Variants in VPS13C observed in about 807,000 individuals in gnomAD.
VPS13C encodes vacuolar protein sorting 13 homolog C, also known as intermembrane lipid transfer protein VPS13C.
In VPS13C, 358 loss-of-function variants were observed where a neutral mutation model predicts 456.8. The ratio of observed to expected loss-of-function variants is 0.78; its 90% CI spans 0.72 to 0.86. The LOEUF is 0.86. Among genes scored for constraint, VPS13C ranks in the 40% least tolerant of loss-of-function variants. VPS13C has a pLI of 0.00. For synonymous variants in VPS13C, 1,578 were observed against 1,486.7 expected, an observed-to-expected ratio of 1.06 and a Z score of -1.41; for missense variants, 4,818 against 4,385.4, an observed-to-expected ratio of 1.10 and a Z score of -2.79.
chr15:61,922,753 T>C lies in VPS13C; in HGVS notation c.6619A>G (p.Ile2207Val), dbSNP rs1182660963. 12 of 1,578,508 alleles carry C rather than the reference T, an allele frequency of 7.6e-6. No individual in the cohort carries two copies. Among genetic ancestry groups the C allele is most frequent in the Admixed American group, 1.9e-5 (1 of 51,564 alleles). The change falls in exon 54 of 85, where the codon ATA (isoleucine) becomes GTA (valine). Residue 2207 changes from isoleucine (I) to valine (V), a missense_variant. Ile to Val is a conservative substitution (Grantham distance 29, BLOSUM62 3). This residue lies in a region of VPS13C where 4,552 missense variants were observed against 4,130.6 expected (regional missense o/e 1.10). Coordinates refer to ENST00000644861, the MANE Select transcript of VPS13C (RefSeq NM_020821.3). ...ATTGTCAACACAGTATTAAGAATTA[T>C]GGGTGAAATCTTTAAAAAAGAAAGC... ...VKEFIIKISPIILNTVLTIMA... is the reference protein window; with the variant it reads ...VKEFIIKISPVILNTVLTIMA...
At chr15:61,958,038 G>A (rs889741377) in intron 37 of VPS13C, among the ~76,000 whole-genome samples, 8 of 151,690 alleles carry the variant, frequency 5.3e-5, no homozygotes, top group African/African-American at 1.9e-4. Flanking sequence ...ATTTATGTCT[G>A]TATACAACAT....
In VPS13C at chr15:61,997,341, G is replaced by C. The variant is rs543068202; in HGVS notation, c.1353+3223C>G. ...TCTGATTGTAACAATAGAAGCTTTG[G>C]ATCTTTGCAACTCTCCTCTTCTCTA... On this transcript the variant is annotated intron_variant, in intron 16 of 84. Transcript: ENST00000644861. Among the ~76,000 whole-genome samples the C allele has an allele frequency of 5.3e-5, 8 of 152,124 alleles. No homozygotes were observed. The East Asian group carries it at 1.2e-3, about 22-fold the overall frequency.
chr15:61,914,896 A>C lies in VPS13C; in HGVS notation c.8445+737T>G, dbSNP rs1265253868. ...TCTGCCTTAAAAAAAAAAAAAAAAA[A>C]AAAAAAAAAAAAACCTTTAGGTGTT... On this transcript the variant is annotated intron_variant, in intron 61 of 84. Coordinates refer to ENST00000644861, the MANE Select transcript of VPS13C (RefSeq NM_020821.3). 2.0e-5 allele frequency among the ~76,000 whole-genome samples: 3 copies of C among 151,000 alleles called. No homozygotes were observed. The East Asian group carries it at 5.9e-4, about 30-fold the overall frequency.
In VPS13C at chr15:61,959,507, C is replaced by A; in HGVS notation, c.3997G>T (p.Ala1333Ser). ...LEFLVNRNLA[A>S]SWYHKVPVVE... ...ACAGGCACCTTGTGGTACCAAGATG[C>A]AGCTAGATTCCGATTTACAAGAAAT... The change falls in exon 36 of 85, where the codon GCA (alanine) becomes TCA (serine). Residue 1333 changes from alanine to serine, a missense_variant. Around this residue, in one of 3 missense-constraint regions of VPS13C, gnomAD observed 4,552 missense variants for 4,130.6 expected, o/e 1.10. Transcript: ENST00000644861. 1 of 1,612,916 alleles carries A rather than the reference C, an allele frequency of 6.2e-7. No homozygotes were observed. Among genetic ancestry groups the A allele is most frequent in the Non-Finnish European group, 8.5e-7 (1 of 1,179,284 alleles).
rs2140892461 is a variant in VPS13C at position 61,877,071 on chromosome 15, G to C, written c.10143-17C>G. On this transcript the variant is annotated splice_polypyrimidine_tract_variant and intron_variant, in intron 74 of 84. Coordinates refer to ENST00000644861, the MANE Select transcript of VPS13C (RefSeq NM_020821.3). ...TAAGCAAGTCTGGGAGGAGAAAAAG[G>C]AAAGATTCAAAGATACTAATATTAT... The C allele has an allele frequency of 6.3e-7, 1 of 1,578,478 alleles. No homozygotes were observed. Among genetic ancestry groups the C allele is most frequent in the Non-Finnish European group, 8.6e-7 (1 of 1,156,972 alleles).
chr15:61,865,973 T>C (rs746081677), intron 81 of VPS13C: 4 of 984,074 alleles, frequency 4.1e-6, no homozygotes, highest in Non-Finnish European at 4.8e-6. Context: ...AATTTGGCCA[T>C]ATTACAAAGG....
In VPS13C at chr15:62,020,057, ATAAAT is replaced by A. The variant is rs943323299; in HGVS notation, c.684+417_684+421del. 4.6e-5 allele frequency among the ~76,000 whole-genome samples: 7 copies of A among 151,602 alleles called. No individual in the cohort carries two copies. In the South Asian group the frequency reaches 6.2e-4, roughly 13 times the overall value. ...AAAAACTCATTATAAAATAATCAAAATAAATTAATTTACATATTGCCCAATGAGAT... is the reference window on the plus strand; with the variant it reads ...AAAAACTCATTATAAAATAATCAAAATAATTTACATATTGCCCAATGAGAT... On this transcript the variant is annotated intron_variant, in intron 9 of 84. Transcript: ENST00000644861.
At chr15:61,962,299 T>C in intron 34 of VPS13C, 72 bp downstream of exon 34, 1 of 1,378,766 alleles carries the variant, frequency 7.3e-7, no homozygotes. Flanking sequence ...GTTTATAACA[T>C]TTGCCATCAT....
At position 61,931,079 on chromosome 15, in the gene VPS13C, A is replaced by G; in HGVS notation, c.6038+11T>C. ...CTTAAATAATGTATTGCAAACTCAG[A>G]GCTGACAAACCTCGATGTTGCTCTC... On this transcript the variant is annotated intron_variant, in intron 50 of 84. Transcript: ENST00000644861. The G allele has an allele frequency of 6.2e-7, 1 of 1,613,866 alleles. No individual in the cohort carries two copies. Among genetic ancestry groups the G allele is most frequent in the African/African-American group, 1.3e-5 (1 of 75,056 alleles).
chr15:62,011,729 C>A (rs745489607), intron 12 of VPS13C, among the ~76,000 whole-genome samples: 5 of 152,022 alleles, frequency 3.3e-5, no homozygotes, highest in Non-Finnish European at 7.4e-5. Context: ...TATGTTAACA[C>A]TGCAATAGTA....
intron 81 of VPS13C, chr15:61,866,909 T>A (rs1362336073): frequency 2.8e-5 from 28 of 984,130 alleles, no homozygotes; most frequent in Non-Finnish European, 3.3e-5. Flanking sequence ...AAGTTTATAC[T>A]TTGGCTTCAT....
At chr15:61,983,663 C>T in intron 20 of VPS13C, 157 bp downstream of exon 20, 1 of 742,912 alleles carries the variant, frequency 1.3e-6, no homozygotes, top group Non-Finnish European at 2.1e-6. Context: ...TCAAAATTAG[C>T]TGCTGAACAT....
Position 61,928,573 on chromosome 15 carries a change from C to T in VPS13C, c.6286+928G>A, listed in dbSNP as rs148713408. Reference sequence around the variant, plus strand: ...AGAGAGAAAAATATCTGACCTTAGACATTTATAATTTAACATAGAAAAGTC... The same window carrying T: ...AGAGAGAAAAATATCTGACCTTAGATATTTATAATTTAACATAGAAAAGTC... On this transcript the variant is annotated intron_variant, in intron 51 of 84. Coordinates refer to ENST00000644861, the MANE Select transcript of VPS13C (RefSeq NM_020821.3). 8.8e-3 allele frequency among the ~76,000 whole-genome samples: 1,337 copies of T among 152,296 alleles called. 8 individuals carry two copies. The highest frequency in any genetic ancestry group is 0.034 in the Middle Eastern group (10 of 294).
At chr15:61,924,865 T>C (rs2043792199) in intron 53 of VPS13C, among the ~76,000 whole-genome samples, 1 of 152,140 alleles carries the variant, frequency 6.6e-6, no homozygotes, top group African/African-American at 2.4e-5. Flanking sequence ...GAGAAATAGA[T>C]TGCAGAAAGT....
rs760521109 is a variant in VPS13C, at chr15:61,922,684, C to A, written c.6688G>T (p.Asp2230Tyr). 6.2e-7 allele frequency: 1 copy of A among 1,613,878 alleles called. No homozygotes were observed. The highest frequency in any genetic ancestry group is 8.5e-7 in the Non-Finnish European group (1 of 1,179,888). ...AGATTTTCCATTTCCTTAGACGTAT[C>A]TTTGGATCCATCTTCTTTTGTTTTT... ...SPKTKEDGSKDTSKEMENLWG... is the reference protein window; with the variant it reads ...SPKTKEDGSKYTSKEMENLWG... Residue 2230 changes from aspartate to tyrosine, a missense_variant, in exon 54 of 85, where the codon GAT becomes TAT. Around this residue, in one of 3 missense-constraint regions of VPS13C, gnomAD observed 4,552 missense variants for 4,130.6 expected, o/e 1.10. Transcript: ENST00000644861.
chr15:61,948,152 C>A (rs2044668088), intron 42 of VPS13C, among the ~76,000 whole-genome samples: 1 of 152,104 alleles, frequency 6.6e-6, no homozygotes, highest in Non-Finnish European at 1.5e-5. Context: ...TATAGCAAAA[C>A]TGGAAGACTG....
chr15:61,942,150 C>T (rs1015787534), intron 45 of VPS13C, 83 bp from the exon 46 acceptor site: 38 of 1,247,226 alleles, frequency 3.0e-5, no homozygotes, highest in Middle Eastern at 2.1e-4. Context: ...ACTTTAAAAA[C>T]TAAATAAAAA....
chr15:61,940,009 AG>A (rs2140252784), intron 47 of VPS13C, among the ~76,000 whole-genome samples: 1 of 151,184 alleles, frequency 6.6e-6, no homozygotes, highest in East Asian at 1.9e-4. Context: ...AAAAAAAAAA[AG>A]TTGTATACTT....
intron 3 of VPS13C, 70 bp from the exon 4 acceptor site, chr15:62,035,122 C>T: frequency 1.7e-6 from 2 of 1,145,080 alleles, no homozygotes; most frequent in Non-Finnish European, 1.3e-6. Context: ...TCTCACTTTC[C>T]ATTAAGCGAA....
Sources: gnomAD v4.1 joint callset for allele counts (sites outside exome capture counted in the v4.1 genomes callset) on GRCh38, gnomAD v4.1.1 for gene constraint, gnomAD v4.1.1 regional missense constraint, MANE v1.5 for transcripts, NCBI Gene and HGNC (gene_info 2026-07-23, HGNC 2026-07-21) for gene names.